MEIG1: variants seen among roughly 807,000 people sequenced by gnomAD.
The protein encoded by MEIG1 is meiosis/spermiogenesis associated 1, also known as meiosis expressed gene 1 protein homolog.
Under a neutral mutation model 11.3 loss-of-function variants are expected in MEIG1, and 12 were observed. The observed-to-expected ratio is 1.07, with a 90% CI of 0.68 to 1.73. The LOEUF (loss-of-function observed/expected upper bound fraction) is 1.73. Among genes scored for constraint, MEIG1 ranks in the 40% most tolerant of loss-of-function variants. The pLI is 0.00. For missense variants in MEIG1, 119 were observed against 104.9 expected (o/e 1.13, Z -0.59); for synonymous variants, 41 against 33.2 (o/e 1.24, Z -0.81).
intron 1 of MEIG1, among the ~76,000 whole-genome samples, chr10:14,984,802 G>C (rs577365357): frequency 6.6e-6 from 1 of 152,038 alleles, no homozygotes; most frequent in Non-Finnish European, 1.5e-5. Context: ...TGTTACCCCT[G>C]ATGTCACACG....
intron 2 of MEIG1, among the ~76,000 whole-genome samples, chr10:14,968,128 AG>A (rs1248875324): frequency 1.7e-4 from 25 of 148,418 alleles, no homozygotes; most frequent in African/African-American, 6.2e-4. Context: ...TAGATTTTGC[AG>A]ATCACTATAA....
intron 1 of MEIG1, among the ~76,000 whole-genome samples, chr10:14,961,571 A>C (rs1325614334): frequency 6.6e-6 from 1 of 151,098 alleles, no homozygotes; most frequent in Non-Finnish European, 1.5e-5. Context: ...CCTGGGTTCA[A>C]GTGATTCTCC....
At chr10:14,971,784 A>T (rs1477033560) in intron 2 of MEIG1, among the ~76,000 whole-genome samples, 1 of 152,168 alleles carries the variant, frequency 6.6e-6, no homozygotes, top group East Asian at 1.9e-4. Context: ...GATTACTTGG[A>T]ATGTTTTGTC....
chr10:14,957,020 C>G (rs547938337), upstream of MEIG1, among the ~76,000 whole-genome samples: 1 of 152,172 alleles, frequency 6.6e-6, no homozygotes, highest in South Asian at 2.1e-4. Flanking sequence ...CACCACTGCA[C>G]TCCAGTCTAG....
At chr10:14,987,894 C>A (rs1414592877) in exon 3 of MEIG1, 1 of 154,432 alleles carries the variant, frequency 6.5e-6, no homozygotes, top group Non-Finnish European at 1.4e-5. Flanking sequence ...TGTAAAAGGA[C>A]GACACGAGAG....
At chr10:14,973,034 T>A (rs1236451261), downstream of MEIG1, among the ~76,000 whole-genome samples, 1 of 151,984 alleles carries the variant, frequency 6.6e-6, no homozygotes, top group African/African-American at 2.4e-5. Context: ...CCCATCTAAT[T>A]TTTATATATT....
chr10:14,971,869 G>A (rs564596841), intron 2 of MEIG1, among the ~76,000 whole-genome samples: 1 of 152,304 alleles, frequency 6.6e-6, no homozygotes, highest in South Asian at 2.1e-4. Flanking sequence ...TGTAATTCCA[G>A]CACTTGGGAG....
chr10:14,957,623 T>C (rs1842964115), upstream of MEIG1, among the ~76,000 whole-genome samples: 1 of 152,106 alleles, frequency 6.6e-6, no homozygotes, highest in African/African-American at 2.4e-5. Flanking sequence ...TGACATAATT[T>C]GACTTAGGTT....
chr10:14,961,638 ATTTT>A (rs34536061), intron 1 of MEIG1, among the ~76,000 whole-genome samples: 1,957 of 76,616 alleles, frequency 0.026, 98 homozygotes, highest in South Asian at 0.096. Context: ...CATCCGGCTA[ATTTT>A]TTTTTTTTTT....
In MEIG1 at chr10:14,966,617, T is replaced by G. The variant is rs1394556226; in HGVS notation, c.138+11T>G. On this transcript the variant is annotated intron_variant, in intron 2 of 2. Transcript: ENST00000407572. The stretch of plus-strand genomic sequence containing the variant: ...AAACAAGTTTCTATGGTAAGATTTC[T>G]GTCTCTACAAACCTCAACTCGAAAT... 1 of 1,606,118 alleles carries G rather than the reference T, an allele frequency of 6.2e-7. No homozygotes were observed. The highest frequency in any genetic ancestry group is 8.5e-7 in the Non-Finnish European group (1 of 1,177,244).
chr10:14,958,376 T>C (rs1205722118), upstream of MEIG1, among the ~76,000 whole-genome samples: 1 of 152,238 alleles, frequency 6.6e-6, no homozygotes, highest in East Asian at 1.9e-4. Flanking sequence ...GTTTATATAA[T>C]TTAATTTGTG....
rs10673663 is a variant in MEIG1, at chr10:14,966,066, C to CTTTTT, written c.-29-363_-29-359dup. 2.6e-4 allele frequency among the ~76,000 whole-genome samples: 31 copies of CTTTTT among 118,722 alleles called. 1 individual carries two copies. The highest frequency in any genetic ancestry group is 3.8e-4 in the Non-Finnish European group (23 of 59,912). The allele number at this position is 118,722 out of a possible 152,430, so 77.9% of individuals were successfully genotyped here. A position where few individuals can be genotyped will look rare whatever the true frequency, so the allele number is the denominator to read the frequency against. ...TTTTTAAGTGTTAGTTTTATTTATT[C>CTTTTT]TTTTTTTTTTTTTTTGAGATGGAGT... On this transcript the variant is annotated intron_variant, in intron 1 of 2. Transcript: ENST00000407572.
At chr10:14,961,671 G>GTTTTTTTT (rs1843015370) in intron 1 of MEIG1, among the ~76,000 whole-genome samples, 1 of 48,096 alleles carries the variant, frequency 2.1e-5, no homozygotes, top group South Asian at 6.3e-4. Context: ...GTAGAGACAG[G>GTTTTTTTT]TTTTCACCAG....
intron 1 of MEIG1, 72 bp from the exon 2 acceptor site, chr10:14,966,365 TTTG>T: frequency 9.0e-7 from 1 of 1,112,588 alleles, no homozygotes; most frequent in Non-Finnish European, 1.2e-6. Flanking sequence ...CCCGGCCAGT[TTTG>T]TTTATTCTTA....
At chr10:14,977,514 G>A (rs1018944211), downstream of MEIG1, among the ~76,000 whole-genome samples, 2 of 151,794 alleles carry the variant, frequency 1.3e-5, no homozygotes, top group African/African-American at 4.8e-5. Flanking sequence ...TGTCACAGGG[G>A]GTGTACACCC....
chr10:14,984,379 T>C (rs1395582979), intron 1 of MEIG1, among the ~76,000 whole-genome samples: 4 of 152,112 alleles, frequency 2.6e-5, no homozygotes, highest in Admixed American at 1.3e-4. Flanking sequence ...CACCGGGGTA[T>C]ACACCCTGCG....
chr10:14,964,347 A>G (rs1027057470), intron 1 of MEIG1, among the ~76,000 whole-genome samples: 2 of 151,814 alleles, frequency 1.3e-5, no homozygotes, highest in Non-Finnish European at 2.9e-5. Flanking sequence ...AAGTCTGTCT[A>G]TTTTATTTCC....
intron 1 of MEIG1, among the ~76,000 whole-genome samples, chr10:14,986,337 C>CA (rs773265884): frequency 7.2e-5 from 11 of 152,060 alleles, no homozygotes; most frequent in Non-Finnish European, 1.0e-4. Flanking sequence ...AAACAAAAAA[C>CA]AAAAAACCAG....
chr10:14,957,711 GCCACCTCCACCT>G (rs569486187), upstream of MEIG1, among the ~76,000 whole-genome samples: 2 of 152,046 alleles, frequency 1.3e-5, no homozygotes, highest in African/African-American at 4.8e-5. Context: ...TCGGCTCACT[GCCACCTCCACCT>G]CCACCTCCAC....
Sources: allele counts gnomAD v4.1 joint callset (sites outside exome capture counted in the v4.1 genomes callset), GRCh38; gene constraint gnomAD v4.1.1; transcripts MANE v1.5; gene names NCBI Gene and HGNC (gene_info 2026-07-23, HGNC 2026-07-21).